The following PRKDC variants were observed in gnomAD, a reference collection of about 807,000 sequenced individuals.
PRKDC encodes DNA-dependent protein kinase catalytic subunit.
Under a neutral mutation model 486.9 loss-of-function variants are expected in PRKDC, and 82 were observed. That is an observed-to-expected ratio of 0.17 (90% CI 0.14 to 0.20). PRKDC has a LOEUF of 0.20. PRKDC is among the 10% of genes least tolerant of loss of function. PRKDC has a pLI of 1.00. For missense variants in PRKDC, 4,504 were observed against 5,038.2 expected, an observed-to-expected ratio of 0.89 and a Z score of 3.21; for synonymous variants, 1,895 against 1,837.0, an observed-to-expected ratio of 1.03 and a Z score of -0.81.
rs1302675803 is a variant in PRKDC, at chr8:47,834,377, A to G, written c.7971T>C (p.Asp2657=). 2 of 1,613,492 alleles carry G rather than the reference A, an allele frequency of 1.2e-6. No individual in the cohort carries two copies. The highest frequency in any genetic ancestry group is 1.7e-6 in the Non-Finnish European group (2 of 1,179,868). ...GGTCAGTGCTGCTCCCGGTCAGCCA[A>G]TCAAATGAGCTTCTTCCATCTGTGA... ...TQTADGRSSF[D]WLTGSSTDPL... The change falls in exon 59 of 86, where the codon GAT becomes GAC. Residue 2657 remains aspartate (D), a synonymous_variant. Coordinates refer to ENST00000314191, the MANE Select transcript of PRKDC (RefSeq NM_006904.7).
intron 64 of PRKDC, among the ~76,000 whole-genome samples, chr8:47,822,858 C>T (rs2087635559): frequency 1.3e-5 from 2 of 152,176 alleles, no homozygotes; most frequent in South Asian, 4.1e-4. Context: ...TGAATTTCAA[C>T]ACCTACACTT....
chr8:47,787,499 G>A (rs187421805), intron 76 of PRKDC, among the ~76,000 whole-genome samples: 207 of 152,316 alleles, frequency 1.4e-3, no homozygotes, highest in African/African-American at 4.7e-3. Flanking sequence ...ATTATTCTTT[G>A]AACGAATGCA....
intron 39 of PRKDC, among the ~76,000 whole-genome samples, chr8:47,878,769 A>ATC: frequency 6.6e-6 from 1 of 152,324 alleles, no homozygotes; most frequent in African/African-American, 2.4e-5. Context: ...ACCTTCTTTC[A>ATC]TCTCTGAAAC....
Position 47,889,177 on chromosome 8 carries a change from C to G in PRKDC, c.4117G>C (p.Val1373Leu). ...LCNTHLMRVL[V>L]QTLCEPASIG... ...CTTGCGGGCTCACACAGCGTCTGCA[C>G]CAGGACTCTCATCAGGTGTGTATTA... The change falls in exon 33 of 86, where the codon GTG becomes CTG. Residue 1373 changes from valine to leucine, a missense_variant. Physicochemically the swap from Val to Leu is conservative, Grantham distance 32. This residue lies in a region of PRKDC where 1,969 missense variants were observed against 2,068.9 expected (regional missense o/e 0.95). Coordinates refer to ENST00000314191, the MANE Select transcript of PRKDC (RefSeq NM_006904.7). The G allele has an allele frequency of 1.2e-6, 2 of 1,613,828 alleles. No homozygotes were observed. Among genetic ancestry groups the G allele is most frequent in the Non-Finnish European group, 1.7e-6 (2 of 1,179,874 alleles).
intron 68 of PRKDC, among the ~76,000 whole-genome samples, chr8:47,808,794 C>T (rs1158308146): frequency 1.3e-5 from 2 of 152,112 alleles, no homozygotes; most frequent in African/African-American, 4.8e-5. Flanking sequence ...TTTCCAGGAA[C>T]TCATTTCCAA....
Position 47,819,449 on chromosome 8 carries a change from T to G in PRKDC, c.9398A>C (p.Gln3133Pro). Residue 3133 changes from glutamine (Q) to proline (P), a missense_variant, in exon 67 of 86, where the codon CAG (glutamine) becomes CCG (proline). This residue lies in a region of PRKDC where 1,592 missense variants were observed against 1,724.6 expected (regional missense o/e 0.92). Coordinates refer to ENST00000314191, the MANE Select transcript of PRKDC (RefSeq NM_006904.7). ...QSRLTKLQSV[Q>P]ALTEIQEFIS... Reference sequence around the variant, plus strand: ...GAACTCCTGAATTTCTGTTAAAGCCTGTACAGACTGCAATTTGGTGAGTCT... The same window carrying G: ...GAACTCCTGAATTTCTGTTAAAGCCGGTACAGACTGCAATTTGGTGAGTCT... 6.4e-7 allele frequency: 1 copy of G among 1,565,116 alleles called. No individual in the cohort carries two copies. The highest frequency in any genetic ancestry group is 8.6e-7 in the Non-Finnish European group (1 of 1,163,586).
intron 30 of PRKDC, among the ~76,000 whole-genome samples, chr8:47,895,137 G>C (rs528170186): frequency 2.0e-5 from 3 of 152,254 alleles, no homozygotes; most frequent in South Asian, 2.1e-4. Context: ...TGAGGCAAGA[G>C]GATCACATGA....
At chr8:47,823,341 A>G (rs1037968587) in intron 64 of PRKDC, among the ~76,000 whole-genome samples, 1 of 151,092 alleles carries the variant, frequency 6.6e-6, no homozygotes, top group African/African-American at 2.4e-5. Context: ...AGTATATGGC[A>G]CCCCCTCCCC....
intron 80 of PRKDC, among the ~76,000 whole-genome samples, chr8:47,781,220 A>G (rs1330352596): frequency 2.0e-5 from 3 of 152,194 alleles, no homozygotes; most frequent in Non-Finnish European, 4.4e-5. Flanking sequence ...GCAATTTGTG[A>G]GACTCCAGGA....
intron 68 of PRKDC, among the ~76,000 whole-genome samples, chr8:47,812,105 G>A (rs1382231619): frequency 2.0e-5 from 3 of 152,180 alleles, no homozygotes; most frequent in Non-Finnish European, 1.5e-5. Context: ...TTATCCATAT[G>A]TATGTACCTA....
chr8:47,927,744 G>A (rs750424337), intron 20 of PRKDC, 27 bp downstream of exon 20: 1 of 1,481,464 alleles, frequency 6.8e-7, no homozygotes, highest in Non-Finnish European at 8.9e-7. Flanking sequence ...GCGATGAAGA[G>A]ATGGCTCTGT....
At chr8:47,937,866 A>G (rs900747967) in intron 11 of PRKDC, among the ~76,000 whole-genome samples, 2 of 152,240 alleles carry the variant, frequency 1.3e-5, no homozygotes, top group African/African-American at 4.8e-5. Flanking sequence ...CTGTAAGTCC[A>G]GTGCTTTGGG....
At chr8:47,902,257 G>A (rs560564722) in intron 27 of PRKDC, among the ~76,000 whole-genome samples, 1 of 152,188 alleles carries the variant, frequency 6.6e-6, no homozygotes, top group East Asian at 1.9e-4. Flanking sequence ...ACCCTAGCAA[G>A]AGGCCACAGC....
intron 21 of PRKDC, chr8:47,926,989 AT>A (rs2090167179): frequency 1.8e-6 from 1 of 558,274 alleles, no homozygotes; most frequent in African/African-American, 1.9e-5. Context: ...AAGTGAGTAA[AT>A]GAAAAATTTT....
In PRKDC at chr8:47,832,669, C is replaced by T. The variant is rs1361767019; in HGVS notation, c.8153-743G>A. ...ATATGACACCTCAGAAGGACACTCA[C>T]GCAGGTGAGATATCTAAGCACTAGG... On this transcript the variant is annotated intron_variant, in intron 59 of 85. Transcript: ENST00000314191. 2.6e-5 allele frequency among the ~76,000 whole-genome samples: 4 copies of T among 152,142 alleles called. No homozygotes were observed. The South Asian group carries it at 8.3e-4, about 32-fold the overall frequency.
chr8:47,941,041 A>G (rs2090435327), intron 10 of PRKDC, among the ~76,000 whole-genome samples: 2 of 151,990 alleles, frequency 1.3e-5, no homozygotes, highest in Admixed American at 1.3e-4. Flanking sequence ...GAGGCACGAG[A>G]ATTGCTTAAA....
At chr8:47,886,741 G>A (rs2089342109) in intron 35 of PRKDC, among the ~76,000 whole-genome samples, 1 of 152,094 alleles carries the variant, frequency 6.6e-6, no homozygotes, top group African/African-American at 2.4e-5. Context: ...AGGCTGGAGT[G>A]CAGTGGCATG....
Position 47,886,087 on chromosome 8 carries a change from T to A in PRKDC, c.4633A>T (p.Ser1545Cys). The change falls in exon 36 of 86, where the codon AGC (serine) becomes TGC (cysteine). Residue 1545 changes from serine to cysteine, a missense_variant. Physicochemically the swap from Ser to Cys is moderately radical, Grantham distance 112. Transcript: ENST00000314191. Reference protein sequence around the residue: ...PAVLSTASLGSSQGSVIHFSH... With the variant: ...PAVLSTASLGCSQGSVIHFSH... Reference sequence around the variant, plus strand: ...AAGTGGATGACGCTGCCCTGTGAGCTGCCCAAGGACGCCGTGGACAGCACC... The same window carrying A: ...AAGTGGATGACGCTGCCCTGTGAGCAGCCCAAGGACGCCGTGGACAGCACC... The A allele has an allele frequency of 6.2e-7, 1 of 1,613,636 alleles. No individual in the cohort carries two copies. The highest frequency in any genetic ancestry group is 8.5e-7 in the Non-Finnish European group (1 of 1,179,894).
Position 47,924,581 on chromosome 8 carries a change from A to ATAAT in PRKDC, c.2419+2612_2419+2613insATTA, listed in dbSNP as rs1346101919. 1.9e-4 allele frequency among the ~76,000 whole-genome samples: 29 copies of ATAAT among 151,758 alleles called. 1 individual carries two copies. Among genetic ancestry groups the ATAAT allele is most frequent in the African/African-American group, 6.5e-4 (27 of 41,248 alleles). The stretch of plus-strand genomic sequence containing the variant: ...TCTCAAAATAATAATAATAATAATA[A>ATAAT]AAAAAAGGAAAATGAGATTTGGAGG... On this transcript the variant is annotated intron_variant, in intron 21 of 85. Transcript: ENST00000314191.
Sources: allele counts gnomAD v4.1 joint callset (sites outside exome capture counted in the v4.1 genomes callset), GRCh38; gene constraint gnomAD v4.1.1; regional missense constraint gnomAD v4.1.1; transcripts MANE v1.5; gene names NCBI Gene and HGNC (gene_info 2026-07-23, HGNC 2026-07-21).